MAGI2: variants seen among roughly 807,000 people sequenced by gnomAD.
MAGI2 encodes the protein membrane associated guanylate kinase, WW and PDZ domain containing 2.
A neutral mutation model predicts 133.3 loss-of-function variants in MAGI2; 35 were observed. The ratio of observed to expected loss-of-function variants is 0.26; its 90% confidence interval spans 0.20 to 0.35. The LOEUF is 0.35. Among genes scored for constraint, MAGI2 ranks in the 10% least tolerant of loss-of-function variants. The pLI, the probability that MAGI2 is intolerant of heterozygous loss-of-function variation, is 1.00. For missense variants in MAGI2, 1,636 were observed against 1,863.4 expected (o/e 0.88, Z 2.25); for synonymous variants, 729 against 710.6 (o/e 1.03, Z -0.41).
At chr7:79,130,900 AATTCATTCATTCATTC>A (rs10555338) in intron 1 of MAGI2, among the ~76,000 whole-genome samples, 33 of 150,708 alleles carry the variant, frequency 2.2e-4, no homozygotes, top group Non-Finnish European at 4.4e-4. Flanking sequence ...GAAAGTCACC[AATTCATTCATTCATTC>A]ATTCATTCAT....
At chr7:78,056,463 A>G (rs974404427) in intron 21 of MAGI2, among the ~76,000 whole-genome samples, 23 of 152,344 alleles carry the variant, frequency 1.5e-4, no homozygotes, top group Admixed American at 7.8e-4. Context: ...TGTGGTACAT[A>G]TGTACCATGG....
intron 1 of MAGI2, among the ~76,000 whole-genome samples, chr7:79,305,220 A>G (rs989532812): frequency 4.6e-5 from 7 of 152,174 alleles, no homozygotes; most frequent in African/African-American, 1.4e-4. Context: ...TCAAAAAATT[A>G]TATTTAAGTT....
chr7:78,319,442 G>A (rs558321794), intron 9 of MAGI2, among the ~76,000 whole-genome samples: 1 of 152,296 alleles, frequency 6.6e-6, no homozygotes, highest in South Asian at 2.1e-4. Context: ...ACACCACAGT[G>A]CAATCAAATT....
intron 2 of MAGI2, among the ~76,000 whole-genome samples, chr7:78,935,395 T>G (rs1263485715): frequency 6.6e-6 from 1 of 152,134 alleles, no homozygotes; most frequent in African/African-American, 2.4e-5. Flanking sequence ...TGAGCTTACA[T>G]GACTAAAAGC....
chr7:79,172,480 T>G (rs2129548961), intron 1 of MAGI2, among the ~76,000 whole-genome samples: 1 of 152,136 alleles, frequency 6.6e-6, no homozygotes, highest in African/African-American at 2.4e-5. Context: ...TTTCAGAAAC[T>G]TAGAGAAACA....
intron 2 of MAGI2, among the ~76,000 whole-genome samples, chr7:78,922,352 C>G (rs916696652): frequency 5.3e-5 from 8 of 151,792 alleles, no homozygotes; most frequent in Admixed American, 2.6e-4. Context: ...CTGCCCCCAC[C>G]CCACAACAGT....
intron 10 of MAGI2, among the ~76,000 whole-genome samples, chr7:78,210,243 C>T (rs952365436): frequency 9.2e-5 from 14 of 152,124 alleles, no homozygotes; most frequent in Non-Finnish European, 1.6e-4. Context: ...TTAGCAAATA[C>T]CTGACACACA....
chr7:79,203,259 AT>A (rs1828766753), intron 1 of MAGI2, among the ~76,000 whole-genome samples: 1 of 152,044 alleles, frequency 6.6e-6, no homozygotes, highest in South Asian at 2.1e-4. Context: ...TTATTTAATA[AT>A]CTTCCAAATA....
chr7:78,485,821 C>T (rs1294707976), intron 6 of MAGI2: 1 of 151,938 alleles, frequency 6.6e-6, no homozygotes, highest in African/African-American at 2.4e-5. Context: ...TTTATGACAT[C>T]CAGCCCAGTA....
Position 79,007,076 on chromosome 7 carries a change from C to T in MAGI2, c.418+14G>A. 1.3e-6 allele frequency: 2 copies of T among 1,507,640 alleles called. No individual in the cohort carries two copies. Among genetic ancestry groups the T allele is most frequent in the Non-Finnish European group, 1.8e-6 (2 of 1,104,010 alleles). 93.4% of individuals were successfully genotyped at this position (1,507,640 alleles called of 1,614,324 possible). ...TCTCAACATAAAAATATTAATACTGCCCATTGTACTCACATGGCACCGTGC... is the reference window on the plus strand; with the variant it reads ...TCTCAACATAAAAATATTAATACTGTCCATTGTACTCACATGGCACCGTGC... On this transcript the variant is annotated intron_variant, in intron 2 of 21. Coordinates refer to ENST00000354212, the MANE Select transcript of MAGI2 (RefSeq NM_012301.4).
intron 1 of MAGI2, among the ~76,000 whole-genome samples, chr7:79,024,363 C>A (rs1268910910): frequency 2.0e-5 from 3 of 152,024 alleles, no homozygotes; most frequent in Admixed American, 2.0e-4. Context: ...AGTCTAAAAT[C>A]AAAAACTATA....
chr7:78,747,356 A>T (rs1823018006), intron 2 of MAGI2, among the ~76,000 whole-genome samples: 1 of 152,172 alleles, frequency 6.6e-6, no homozygotes, highest in Non-Finnish European at 1.5e-5. Flanking sequence ...GTCATATAAG[A>T]AATGCATTAT....
chr7:79,143,713 A>G (rs942661435), intron 1 of MAGI2, among the ~76,000 whole-genome samples: 11 of 152,214 alleles, frequency 7.2e-5, no homozygotes, highest in Non-Finnish European at 1.5e-5. Flanking sequence ...ATTTTTCAGC[A>G]CAGATTACAA....
At chr7:79,157,559 GAAAA>G (rs71095381) in intron 1 of MAGI2, among the ~76,000 whole-genome samples, 1 of 138,368 alleles carries the variant, frequency 7.2e-6, no homozygotes. Context: ...CTCCTTTTAA[GAAAA>G]AAAAAAAAAA....
chr7:78,705,037 A>G, intron 2 of MAGI2, among the ~76,000 whole-genome samples: 1 of 152,134 alleles, frequency 6.6e-6, no homozygotes, highest in East Asian at 1.9e-4. Context: ...TATTTACACC[A>G]CAGAAATTGG....
intron 20 of MAGI2, among the ~76,000 whole-genome samples, chr7:78,093,572 C>T (rs879136567): frequency 6.6e-6 from 1 of 152,172 alleles, no homozygotes; most frequent in Admixed American, 6.5e-5. Flanking sequence ...GAGCTGACTA[C>T]AATTGGGAAG....
Position 79,193,400 on chromosome 7 carries a change from T to C in MAGI2, c.302-186194A>G, listed in dbSNP as rs1379090256. Among the ~76,000 whole-genome samples the C allele has an allele frequency of 1.3e-5, 2 of 152,020 alleles. 1 individual carries two copies. The highest frequency in any genetic ancestry group is 4.8e-5 in the African/African-American group (2 of 41,346). On this transcript the variant is annotated intron_variant, in intron 1 of 21. Transcript: ENST00000354212. ...AATGTCAGGTATTAATATTAAAATA[T>C]GAAATACAAACAGTTGAATTAACAT...
intron 1 of MAGI2, among the ~76,000 whole-genome samples, chr7:79,235,589 G>A (rs1005835981): frequency 1.1e-4 from 17 of 152,276 alleles, no homozygotes; most frequent in African/African-American, 3.1e-4. Context: ...TGTTTGACTC[G>A]GAAAGGGAAC....
intron 2 of MAGI2, among the ~76,000 whole-genome samples, chr7:78,849,937 C>A (rs896467523): frequency 1.3e-5 from 2 of 151,992 alleles, no homozygotes; most frequent in Non-Finnish European, 2.9e-5. Flanking sequence ...TCTTGACTTA[C>A]TCTTAAACTA....
Sources: gnomAD v4.1 joint callset for allele counts (sites outside exome capture counted in the v4.1 genomes callset) on GRCh38, gnomAD v4.1.1 for gene constraint, MANE v1.5 for transcripts, NCBI Gene and HGNC (gene_info 2026-07-23, HGNC 2026-07-21) for gene names.